The following DNAH6 variants were observed in gnomAD, a reference collection of about 807,000 sequenced individuals.
The protein encoded by DNAH6 is dynein axonemal heavy chain 6, also known as axonemal beta dynein heavy chain 6.
In DNAH6, 340 loss-of-function variants were observed where a neutral mutation model predicts 491.4. The observed-to-expected ratio is 0.69, with a 90% CI of 0.63 to 0.76. DNAH6 has a LOEUF of 0.76. DNAH6 is among the 30% of genes least tolerant of loss of function. The pLI, the probability that DNAH6 is intolerant of heterozygous loss-of-function variation, is 0.00. For synonymous variants in DNAH6, 1,603 were observed against 1,686.1 expected (o/e 0.95, Z 1.21); for missense variants, 4,443 against 4,972.2 (o/e 0.89, Z 3.20).
At chr2:84,511,165 C>G in the DNAH6 span, among the ~76,000 whole-genome samples, 1 of 152,190 alleles carries the variant, frequency 6.6e-6, no homozygotes, top group Non-Finnish European at 1.5e-5. Flanking sequence ...GTGCCCTCCC[C>G]CAGAGGTGGA....
intron 59 of DNAH6, among the ~76,000 whole-genome samples, chr2:84,719,077 GA>G (rs554802264): frequency 6.6e-6 from 1 of 151,874 alleles, no homozygotes; most frequent in Non-Finnish European, 1.5e-5. Flanking sequence ...ATAATTTACT[GA>G]AAAAAAATCC....
At chr2:84,710,182 G>C in intron 55 of DNAH6, 105 bp from the exon 56 acceptor site, 2 of 1,416,706 alleles carry the variant, frequency 1.4e-6, no homozygotes, top group Non-Finnish European at 1.9e-6. Flanking sequence ...TTTCAAATTT[G>C]TTTCTAGATT....
chr2:84,778,250 GGAAT>G (rs1676343608), intron 64 of DNAH6: 2 of 618,886 alleles, frequency 3.2e-6, no homozygotes, highest in African/African-American at 3.7e-5. Context: ...AAAGGAATCA[GGAAT>G]GCATGTCCGG....
intron 18 of DNAH6, among the ~76,000 whole-genome samples, chr2:84,603,830 G>A (rs922782697): frequency 6.6e-6 from 1 of 152,106 alleles, no homozygotes; most frequent in Non-Finnish European, 1.5e-5. Context: ...GGGAGCTAAG[G>A]CAGATAAATT....
In DNAH6 at chr2:84,653,500, C is replaced by T; in HGVS notation, c.5260C>T (p.Pro1754Ser). The T allele has an allele frequency of 6.4e-7, 1 of 1,551,204 alleles. No homozygotes were observed. The highest frequency in any genetic ancestry group is 1.4e-5 in the African/African-American group (1 of 73,080). ...AAGGCATGGTGTTATGTTAGTCGGG[C>T]CAACAGGAGGCGGCAAGACCACAGT... is the stretch of plus-strand genomic sequence containing the variant. ...LVRHGVMLVG[P>S]TGGGKTTVYR... Residue 1754 changes from proline to serine, a missense_variant, in exon 34 of 77, where the codon CCA (proline) becomes TCA (serine). Pro to Ser is a moderately conservative substitution (Grantham distance 74). Around this residue, in one of 3 missense-constraint regions of DNAH6, gnomAD observed 2,977 missense variants for 3,296.6 expected, o/e 0.90. Transcript: ENST00000389394.
chr2:84,669,494 T>A lies in DNAH6; in HGVS notation c.6290T>A (p.Ile2097Lys). Residue 2097 changes from isoleucine (I) to lysine (K), a missense_variant, in exon 38 of 77, where the codon ATA (isoleucine) becomes AAA (lysine). By Grantham distance (102) the Ile-to-Lys change is moderately radical (BLOSUM62 -3). Coordinates refer to ENST00000389394, the MANE Select transcript of DNAH6 (RefSeq NM_001370.2). ...AAGCATTCCGTGTTGTTTACTGGAA[T>A]AACTGGAGTGGGCAAGGTAGGAAAC... ...AVKHSVLFTGITGVGKSVIAK... is the reference protein window; with the variant it reads ...AVKHSVLFTGKTGVGKSVIAK... The A allele has an allele frequency of 1.9e-6, 3 of 1,551,744 alleles. No homozygotes were observed. Among genetic ancestry groups the A allele is most frequent in the Non-Finnish European group, 2.6e-6 (3 of 1,146,960 alleles).
At chr2:84,651,415 G>A (rs1416032336) in intron 33 of DNAH6, among the ~76,000 whole-genome samples, 1 of 152,204 alleles carries the variant, frequency 6.6e-6, no homozygotes, top group African/African-American at 2.4e-5. Flanking sequence ...TAGAGTGGAA[G>A]TCTGGGCTCC....
intron 69 of DNAH6, 60 bp from the exon 70 acceptor site, chr2:84,797,477 C>T: frequency 1.3e-6 from 2 of 1,492,504 alleles, no homozygotes; most frequent in Non-Finnish European, 1.8e-6. Context: ...AAAAATCAAA[C>T]TTGGCAGTAC....
Position 84,604,392 on chromosome 2 carries a change from A to C in DNAH6, c.2922A>C (p.Ala974=). 1 of 1,552,270 alleles carries C rather than the reference A, an allele frequency of 6.4e-7. No homozygotes were observed. Among genetic ancestry groups the C allele is most frequent in the Non-Finnish European group, 8.7e-7 (1 of 1,147,098 alleles). ...RNPTLKARHW[A]AIEQTVDATL... ...CGACTTTGAAGGCAAGACATTGGGC[A>C]GCTATTGAACAAACAGTTGATGCCA... is the stretch of plus-strand genomic sequence containing the variant. Residue 974 remains alanine, a synonymous_variant, in exon 19 of 77, where the codon GCA becomes GCC. Coordinates refer to ENST00000389394, the MANE Select transcript of DNAH6 (RefSeq NM_001370.2).
rs774145870 is a variant in DNAH6 at position 84,584,058 on chromosome 2, A to G, written c.2289A>G (p.Gln763=). 6.8e-6 allele frequency: 11 copies of G among 1,614,024 alleles called. No homozygotes were observed. In the African/African-American group the frequency reaches 1.2e-4, roughly 18 times the overall value. The change falls in exon 15 of 77, where the codon CAA becomes CAG. Residue 763 remains glutamine, a synonymous_variant. Transcript: ENST00000389394. ...IVTQMYKLME[Q]YQVPTPPEDF... is the part of the protein sequence containing the mutation. ...CTCAAATGTACAAGCTTATGGAACA[A>G]TATCAGGTGCCCACACCTCCTGAAG...
At chr2:84,702,754 T>C (rs987968877) in intron 49 of DNAH6, among the ~76,000 whole-genome samples, 31 of 152,174 alleles carry the variant, frequency 2.0e-4, no homozygotes, top group African/African-American at 7.0e-4. Flanking sequence ...GTAGCCAGGA[T>C]GGTCTCAATC....
intron 40 of DNAH6, among the ~76,000 whole-genome samples, chr2:84,676,392 C>G (rs1172815061): frequency 6.6e-6 from 1 of 152,168 alleles, no homozygotes; most frequent in East Asian, 1.9e-4. Context: ...TTTCTAAACA[C>G]AAAAAGGCTG....
Position 84,621,247 on chromosome 2 carries a change from A to G in DNAH6, c.3849A>G (p.Lys1283=). Residue 1283 remains lysine (K), a synonymous_variant, in exon 25 of 77, where the codon AAA becomes AAG. Transcript: ENST00000389394. The part of the protein sequence containing the change: ...ARGNVEEWLG[K]VEEAMFTSLR... ...GCAATGTAGAGGAATGGCTTGGTAA[A>G]GTGGAAGAAGCCATGTTCACATCTC... The G allele has an allele frequency of 6.4e-7, 1 of 1,551,620 alleles. No individual in the cohort carries two copies.
At chr2:84,549,767 A>C in intron 8 of DNAH6, 122 bp from the exon 9 acceptor site, 2 of 697,154 alleles carry the variant, frequency 2.9e-6, no homozygotes, top group Non-Finnish European at 4.6e-6. Context: ...TAATATAATT[A>C]AATGGAAATT....
chr2:84,531,981 A>T (rs2104462078), intron 4 of DNAH6, among the ~76,000 whole-genome samples: 1 of 152,278 alleles, frequency 6.6e-6, no homozygotes, highest in African/African-American at 2.4e-5. Flanking sequence ...ATAATTCTTG[A>T]TTCATATGTG....
Position 84,568,201 on chromosome 2 carries a change from G to C in DNAH6, c.1804-5266G>C, listed in dbSNP as rs150535765. Among the ~76,000 whole-genome samples, 6 of 152,190 alleles carry C rather than the reference G, an allele frequency of 3.9e-5. 1 individual carries two copies. In the East Asian group the frequency reaches 1.2e-3, roughly 29 times the overall value. ...AGACCTAGAACCAGAAATACCATCTGACCCAGAAATCTCATTACCGGGTAT... is the reference window on the plus strand; with the variant it reads ...AGACCTAGAACCAGAAATACCATCTCACCCAGAAATCTCATTACCGGGTAT... On this transcript the variant is annotated intron_variant, in intron 11 of 76. Transcript: ENST00000389394.
At chr2:84,469,825 C>T in the DNAH6 span, among the ~76,000 whole-genome samples, 63 of 152,294 alleles carry the variant, frequency 4.1e-4, no homozygotes, top group African/African-American at 1.3e-3. This position sits in a 1 kb window ranked among gnomAD's most constrained non-coding sequence, Gnocchi z 4.0. Flanking sequence ...TAGCATTTAA[C>T]ATCCTATAGT....
chr2:84,654,638 G>T (rs1336533793), intron 34 of DNAH6, 22 bp from the exon 35 acceptor site: 2 of 1,550,080 alleles, frequency 1.3e-6, no homozygotes, highest in Non-Finnish European at 1.7e-6. Context: ...GCTGTTTCCT[G>T]TTCAATTTTC....
At chr2:84,735,374 T>C (rs1052163098) in intron 62 of DNAH6, among the ~76,000 whole-genome samples, 1 of 152,226 alleles carries the variant, frequency 6.6e-6, no homozygotes, top group African/African-American at 2.4e-5. Flanking sequence ...CGGGTGTGTT[T>C]TGGTAGAATG....
Sources: gnomAD v4.1 joint callset for allele counts (sites outside exome capture counted in the v4.1 genomes callset) on GRCh38, gnomAD v4.1.1 for gene constraint, gnomAD v4.1.1 regional missense constraint, Gnocchi (gnomAD v3.1) non-coding constraint, MANE v1.5 for transcripts, NCBI Gene and HGNC (gene_info 2026-07-23, HGNC 2026-07-21) for gene names.